ADAT2: variants seen among roughly 807,000 people sequenced by gnomAD.
ADAT2 encodes tRNA-specific adenosine-34 deaminase catalytic subunit ADAT2.
In ADAT2, 26 loss-of-function variants were observed where a neutral mutation model predicts 25.9. The observed-to-expected ratio is 1.00, with a 90% CI of 0.74 to 1.39. ADAT2 has a LOEUF of 1.39. ADAT2 is among the 40% of genes most tolerant of loss of function. ADAT2 has a pLI of 0.00. For synonymous variants in ADAT2, 76 were observed against 86.8 expected (o/e 0.88, Z 0.69); for missense variants, 220 against 244.8 (o/e 0.90, Z 0.68).
chr6:143,449,577 A>T (rs111338904), intron 1 of ADAT2, among the ~76,000 whole-genome samples: 5 of 152,318 alleles, frequency 3.3e-5, no homozygotes, highest in African/African-American at 1.2e-4. Context: ...TAGGAGGGCT[A>T]CATGTCACTG....
intron 4 of ADAT2, among the ~76,000 whole-genome samples, chr6:143,430,239 G>A (rs539444796): frequency 2.0e-5 from 3 of 152,264 alleles, no homozygotes; most frequent in African/African-American, 7.2e-5. Context: ...CACTCCACTC[G>A]CACACTCAGA....
At chr6:143,431,557 C>G in intron 4 of ADAT2, among the ~76,000 whole-genome samples, 1 of 152,180 alleles carries the variant, frequency 6.6e-6, no homozygotes, top group Admixed American at 6.5e-5. Flanking sequence ...AATTTCTTTT[C>G]TGATGTAATG....
rs1778954396 is a variant in ADAT2 at position 143,427,096 on chromosome 6, A to AACACACACAACACACACACACACAC, written c.*1366_*1367insGTGTGTGTGTGTGTGTTGTGTGTGT. On this transcript the variant is annotated 3_prime_UTR_variant, in exon 6 of 6. Coordinates refer to ENST00000237283, the MANE Select transcript of ADAT2 (RefSeq NM_182503.3). ...CCATAAAACTTTTCAAATGCAGTTAAACACACACACACACACACACACACA... is the reference window on the plus strand; with the variant it reads ...CCATAAAACTTTTCAAATGCAGTTAAACACACACAACACACACACACACACACACACACACACACACACACACACA... The AACACACACAACACACACACACACAC allele has an allele frequency of 7.1e-6, 1 of 140,176 alleles. No homozygotes were observed. Among genetic ancestry groups the AACACACACAACACACACACACACAC allele is most frequent in the Non-Finnish European group, 1.5e-5 (1 of 64,902 alleles). The allele number at this position is 140,176 out of a possible 1,614,324, so 8.7% of individuals were successfully genotyped here.
rs906304734 is a variant in ADAT2 at position 143,444,081 on chromosome 6, T to C, written c.97-5387A>G. ...GATAGCACCCACGCCACCATGTTAC[T>C]GGGTTTGTGCCTTCCATTCCTTCCT... is the stretch of plus-strand genomic sequence containing the variant. On this transcript the variant is annotated intron_variant, in intron 1 of 5. Coordinates refer to ENST00000237283, the MANE Select transcript of ADAT2 (RefSeq NM_182503.3). The surrounding 1 kb of genome is among the most constrained non-coding windows in gnomAD (Gnocchi z 4.3). 2.1e-4 allele frequency among the ~76,000 whole-genome samples: 32 copies of C among 152,248 alleles called. No homozygotes were observed. Among genetic ancestry groups the C allele is most frequent in the African/African-American group, 7.0e-4 (29 of 41,534 alleles).
In ADAT2 at chr6:143,444,208, T is replaced by C. The variant is rs1461724745; in HGVS notation, c.97-5514A>G. Among the ~76,000 whole-genome samples, 1 of 152,172 alleles carries C rather than the reference T, an allele frequency of 6.6e-6. No individual in the cohort carries two copies. Among genetic ancestry groups the C allele is most frequent in the South Asian group, 2.1e-4 (1 of 4,826 alleles). On this transcript the variant is annotated intron_variant, in intron 1 of 5. Coordinates refer to ENST00000237283, the MANE Select transcript of ADAT2 (RefSeq NM_182503.3). The surrounding 1 kb of genome is among the most constrained non-coding windows in gnomAD (Gnocchi z 4.3). ...AGTAACACAGTTTTTTTTCCTGAAA[T>C]GCCTTCCACTGCTGTCCGAAACAGA...
rs1779503824 is a variant in ADAT2 at position 143,442,969 on chromosome 6, T to C, written c.97-4275A>G. ...CCAACAAACCTCTTAAGAGAGGTAA[T>C]GTTTTGTCTGCATCTCGAGTATTCT... is the stretch of plus-strand genomic sequence containing the variant. On this transcript the variant is annotated intron_variant, in intron 1 of 5. Coordinates refer to ENST00000237283, the MANE Select transcript of ADAT2 (RefSeq NM_182503.3). This position sits in a 1 kb window ranked among gnomAD's most constrained non-coding sequence, Gnocchi z 4.6. Among the ~76,000 whole-genome samples, 1 of 152,218 alleles carries C rather than the reference T, an allele frequency of 6.6e-6. No homozygotes were observed. The highest frequency in any genetic ancestry group is 1.5e-5 in the Non-Finnish European group (1 of 68,032).
At position 143,432,548 on chromosome 6, in the gene ADAT2, T is replaced by G. The variant is rs904431185; in HGVS notation, c.416A>C (p.Asn139Thr). The change falls in exon 4 of 6, where the codon AAT becomes ACT. Residue 139 changes from asparagine (N) to threonine (T), a missense_variant. Asn to Thr is a moderately conservative substitution (Grantham distance 65). Coordinates refer to ENST00000237283, the MANE Select transcript of ADAT2 (RefSeq NM_182503.3). The surrounding 1 kb of genome is among the most constrained non-coding windows in gnomAD (Gnocchi z 4.4). ...ERFGGCGSVL[N>T]IASADLPNTG... The stretch of plus-strand genomic sequence containing the variant: ...GTTTGGTAGGTCAGCAGAGGCAATA[T>G]TTAGAACAGAGCCACAACCACCAAA... 6.2e-7 allele frequency: 1 copy of G among 1,614,084 alleles called. No homozygotes were observed. The highest frequency in any genetic ancestry group is 8.5e-7 in the Non-Finnish European group (1 of 1,180,044).
At position 143,426,238 on chromosome 6, in the gene ADAT2, G is replaced by A. The variant is rs1778930835; in HGVS notation, c.*2225C>T. 1 of 152,188 alleles carries A rather than the reference G, an allele frequency of 6.6e-6. No individual in the cohort carries two copies. Among genetic ancestry groups the A allele is most frequent in the South Asian group, 2.1e-4 (1 of 4,828 alleles). 9.4% of individuals were successfully genotyped at this position (152,188 alleles called of 1,614,324 possible). On this transcript the variant is annotated 3_prime_UTR_variant, in exon 6 of 6. Coordinates refer to ENST00000237283, the MANE Select transcript of ADAT2 (RefSeq NM_182503.3). The surrounding 1 kb of genome is among the most constrained non-coding windows in gnomAD (Gnocchi z 4.1). Reference sequence around the variant, plus strand: ...AGGACATCTTAATATTTTAACCCGTGTCTAAGTAGCTGGGGAATGTGGTAC... The same window carrying A: ...AGGACATCTTAATATTTTAACCCGTATCTAAGTAGCTGGGGAATGTGGTAC...
Position 143,432,184 on chromosome 6 carries a change from C to T in ADAT2, c.459+321G>A, listed in dbSNP as rs1779135148. On this transcript the variant is annotated intron_variant, in intron 4 of 5. Transcript: ENST00000237283. This position sits in a 1 kb window ranked among gnomAD's most constrained non-coding sequence, Gnocchi z 4.4. Reference sequence around the variant, plus strand: ...GGTAGAGCATAGAGCTGGTAACGTTCATTGAATAAAAACTCCAACAGCGAG... The same window carrying T: ...GGTAGAGCATAGAGCTGGTAACGTTTATTGAATAAAAACTCCAACAGCGAG... Among the ~76,000 whole-genome samples the T allele has an allele frequency of 6.6e-6, 1 of 152,174 alleles. No homozygotes were observed. Among genetic ancestry groups the T allele is most frequent in the African/African-American group, 2.4e-5 (1 of 41,424 alleles).
At chr6:143,431,215 T>C (rs1313137900) in intron 4 of ADAT2, among the ~76,000 whole-genome samples, 2 of 152,260 alleles carry the variant, frequency 1.3e-5, no homozygotes, top group Admixed American at 1.3e-4. Context: ...GCTAGGTATA[T>C]ACACTGCAAA....
rs1356441830 is a variant in ADAT2 at position 143,425,780 on chromosome 6, T to TGTGTGTGTGTGTGTGTGTGTGTGTG, written c.*2682_*2683insCACACACACACACACACACACACAC. The TGTGTGTGTGTGTGTGTGTGTGTGTG allele has an allele frequency of 3.4e-5, 5 of 149,216 alleles. No homozygotes were observed. The highest frequency in any genetic ancestry group is 1.3e-4 in the Admixed American group (2 of 14,846). The allele number at this position is 149,216 out of a possible 1,614,324, so 9.2% of individuals were successfully genotyped here. On this transcript the variant is annotated 3_prime_UTR_variant, in exon 6 of 6. Transcript: ENST00000237283. ...GTGTGTGTGTGTGTGTGTGTGTGTA[T>TGTGTGTGTGTGTGTGTGTGTGTGTG]TTTATATATATATACTTTTCCCAGT...
At position 143,432,183 on chromosome 6, in the gene ADAT2, T is replaced by C. The variant is rs890392691; in HGVS notation, c.459+322A>G. On this transcript the variant is annotated intron_variant, in intron 4 of 5. Transcript: ENST00000237283. This position sits in a 1 kb window ranked among gnomAD's most constrained non-coding sequence, Gnocchi z 4.4. ...TGGTAGAGCATAGAGCTGGTAACGTTCATTGAATAAAAACTCCAACAGCGA... is the reference window on the plus strand; with the variant it reads ...TGGTAGAGCATAGAGCTGGTAACGTCCATTGAATAAAAACTCCAACAGCGA... Among the ~76,000 whole-genome samples, 1 of 152,194 alleles carries C rather than the reference T, an allele frequency of 6.6e-6. No homozygotes were observed. The highest frequency in any genetic ancestry group is 1.5e-5 in the Non-Finnish European group (1 of 68,034).
At chr6:143,433,762 C>A in intron 3 of ADAT2, 69 bp downstream of exon 3, 1 of 1,458,834 alleles carries the variant, frequency 6.9e-7, no homozygotes, top group Non-Finnish European at 9.2e-7. Flanking sequence ...GGAAAACAGG[C>A]TACGTGTTTG....
chr6:143,428,359 T>A lies in ADAT2; in HGVS notation c.*104A>T. On this transcript the variant is annotated 3_prime_UTR_variant, in exon 6 of 6. Coordinates refer to ENST00000237283, the MANE Select transcript of ADAT2 (RefSeq NM_182503.3). The surrounding 1 kb of genome is among the most constrained non-coding windows in gnomAD (Gnocchi z 5.0). ...TGAGAGACACCATTTTCCTGCAGAT[T>A]AAAAACAATATATAAACATATGATT... 14 of 1,321,520 alleles carry A rather than the reference T, an allele frequency of 1.1e-5. No homozygotes were observed. The highest frequency in any genetic ancestry group is 1.4e-5 in the Non-Finnish European group (13 of 954,152). 81.9% of individuals were successfully genotyped at this position (1,321,520 alleles called of 1,614,324 possible). A position where few individuals can be genotyped will look rare whatever the true frequency, so the allele number is the denominator to read the frequency against.
rs1779594653 is a variant in ADAT2, at chr6:143,446,176, C to A, written c.96+4387G>T. ...TTTTTCTGTTTTTTCCTATGCCCTG[C>A]ATACACATATTTACAGTTTTTAAAA... On this transcript the variant is annotated intron_variant, in intron 1 of 5. Transcript: ENST00000237283. The surrounding 1 kb of genome is among the most constrained non-coding windows in gnomAD (Gnocchi z 5.0). Among the ~76,000 whole-genome samples, 1 of 151,622 alleles carries A rather than the reference C, an allele frequency of 6.6e-6. No homozygotes were observed. The highest frequency in any genetic ancestry group is 1.5e-5 in the Non-Finnish European group (1 of 67,970).
Position 143,442,353 on chromosome 6 carries a change from T to TAG in ADAT2, c.97-3661_97-3660dup, listed in dbSNP as rs58804747. Among the ~76,000 whole-genome samples the TAG allele has an allele frequency of 0.53, 80,376 of 151,756 alleles. 21,718 individuals carry two copies. Among genetic ancestry groups the TAG allele is most frequent in the African/African-American group, 0.58 (23,791 of 41,342 alleles). The stretch of plus-strand genomic sequence containing the variant: ...ATAGCATTTTTGAATTATAAAATTA[T>TAG]AGACAGAGAACAGATTAGAAGCTGC... On this transcript the variant is annotated intron_variant, in intron 1 of 5. Coordinates refer to ENST00000237283, the MANE Select transcript of ADAT2 (RefSeq NM_182503.3). The surrounding 1 kb of genome is among the most constrained non-coding windows in gnomAD (Gnocchi z 4.6).
rs72988638 is a variant in ADAT2 at position 143,444,192 on chromosome 6, G to T, written c.97-5498C>A. On this transcript the variant is annotated intron_variant, in intron 1 of 5. Transcript: ENST00000237283. The surrounding 1 kb of genome is among the most constrained non-coding windows in gnomAD (Gnocchi z 4.3). ...CTTCATGTTTATTTTGAGTAACACA[G>T]TTTTTTTTCCTGAAATGCCTTCCAC... Among the ~76,000 whole-genome samples the T allele has an allele frequency of 0.24, 36,214 of 151,906 alleles. 4,804 individuals carry two copies. The highest frequency in any genetic ancestry group is 0.3 in the Middle Eastern group (89 of 294).
At position 143,427,670 on chromosome 6, in the gene ADAT2, CT is replaced by C. The variant is rs1778979018; in HGVS notation, c.*792del. 6.6e-6 allele frequency: 1 copy of C among 152,172 alleles called. No homozygotes were observed. Among genetic ancestry groups the C allele is most frequent in the Non-Finnish European group, 1.5e-5 (1 of 68,030 alleles). The allele number at this position is 152,172 out of a possible 1,614,324, so 9.4% of individuals were successfully genotyped here. A position where few individuals can be genotyped will look rare whatever the true frequency, so the allele number is the denominator to read the frequency against. ...GTTCCTTTTGCTTTTTGCCATAACT[CT>C]TATTGTCCTCCAATAAACTGTGTAA... On this transcript the variant is annotated 3_prime_UTR_variant, in exon 6 of 6. Transcript: ENST00000237283.
rs1307257219 is a variant in ADAT2, at chr6:143,444,163, T to G, written c.97-5469A>C. Among the ~76,000 whole-genome samples the G allele has an allele frequency of 6.6e-6, 1 of 152,194 alleles. No individual in the cohort carries two copies. The highest frequency in any genetic ancestry group is 1.5e-5 in the Non-Finnish European group (1 of 68,036). Reference sequence around the variant, plus strand: ...TTATTTCATTTCACTCCTCTCAATATTATCTTCATGTTTATTTTGAGTAAC... The same window carrying G: ...TTATTTCATTTCACTCCTCTCAATAGTATCTTCATGTTTATTTTGAGTAAC... On this transcript the variant is annotated intron_variant, in intron 1 of 5. Transcript: ENST00000237283. This position sits in a 1 kb window ranked among gnomAD's most constrained non-coding sequence, Gnocchi z 4.3.
Sources: gnomAD v4.1 joint callset for allele counts (sites outside exome capture counted in the v4.1 genomes callset) on GRCh38, gnomAD v4.1.1 for gene constraint, Gnocchi (gnomAD v3.1) non-coding constraint, MANE v1.5 for transcripts, NCBI Gene and HGNC (gene_info 2026-07-23, HGNC 2026-07-21) for gene names.